The following CDK14 variants were observed in gnomAD, a reference collection of about 807,000 sequenced individuals.
CDK14 encodes cyclin dependent kinase 14, also known as cyclin-dependent kinase 14.
In CDK14, 34 loss-of-function variants were observed where a neutral mutation model predicts 60.7. That is an observed-to-expected ratio of 0.56 (90% CI 0.43 to 0.75). CDK14 has a LOEUF of 0.75. Among genes scored for constraint, CDK14 ranks in the 30% least tolerant of loss-of-function variants. The pLI is 0.00. For missense variants in CDK14, 482 were observed against 564.1 expected (o/e 0.85, Z 1.47); for synonymous variants, 197 against 203.7 (o/e 0.97, Z 0.28).
intron 4 of CDK14, among the ~76,000 whole-genome samples, chr7:90,758,996 C>CGA (rs1562756240): frequency 6.8e-6 from 1 of 147,292 alleles, no homozygotes; most frequent in African/African-American, 2.5e-5. Flanking sequence ...GCAGAGGTTG[C>CGA]AGTGAGTCGA....
chr7:91,031,850 C>G (rs1796770064), intron 10 of CDK14, among the ~76,000 whole-genome samples: 1 of 152,122 alleles, frequency 6.6e-6, no homozygotes, highest in Non-Finnish European at 1.5e-5. Flanking sequence ...TGAAACCAAA[C>G]AAAGTATGTC....
At chr7:91,185,487 G>T (rs979964217) in intron 14 of CDK14, among the ~76,000 whole-genome samples, 1 of 151,696 alleles carries the variant, frequency 6.6e-6, no homozygotes, top group East Asian at 1.9e-4. Context: ...TTACCATATA[G>T]AACTACTTTC....
intron 10 of CDK14, among the ~76,000 whole-genome samples, chr7:91,038,027 G>T (rs1321645623): frequency 1.3e-5 from 2 of 152,158 alleles, no homozygotes; most frequent in Non-Finnish European, 2.9e-5. Flanking sequence ...CTGAGCAGTC[G>T]CTGCTCTCTG....
intron 11 of CDK14, among the ~76,000 whole-genome samples, chr7:91,062,666 A>T (rs893104452): frequency 5.3e-5 from 8 of 152,118 alleles, no homozygotes; most frequent in African/African-American, 1.7e-4. Flanking sequence ...GCTTTCATGG[A>T]TGCTATCTCA....
intron 10 of CDK14, among the ~76,000 whole-genome samples, chr7:91,002,817 T>C (rs1285563809): frequency 6.6e-6 from 1 of 152,102 alleles, no homozygotes; most frequent in Non-Finnish European, 1.5e-5. Flanking sequence ...TTCACAGCTG[T>C]AATTCAGCAC....
intron 3 of CDK14, among the ~76,000 whole-genome samples, chr7:90,733,563 C>A (rs1429201426): frequency 6.6e-6 from 1 of 152,164 alleles, no homozygotes; most frequent in Admixed American, 6.5e-5. Context: ...GATCCCTTTA[C>A]CATTAGTAAT....
intron 2 of CDK14, among the ~76,000 whole-genome samples, chr7:90,636,922 A>G (rs1800166740): frequency 6.6e-6 from 1 of 150,718 alleles, no homozygotes; most frequent in Admixed American, 6.6e-5. Context: ...TTATTTGCAT[A>G]GAGGTGTTTG....
At chr7:90,916,655 A>C (rs1274953715) in intron 7 of CDK14, among the ~76,000 whole-genome samples, 1 of 152,162 alleles carries the variant, frequency 6.6e-6, no homozygotes, top group African/African-American at 2.4e-5. Flanking sequence ...GGTTATATAG[A>C]CTAGAATATT....
chr7:91,010,756 C>T (rs902723505), intron 10 of CDK14, among the ~76,000 whole-genome samples: 1 of 148,336 alleles, frequency 6.7e-6, no homozygotes, highest in Non-Finnish European at 1.5e-5. Flanking sequence ...TTCCTTCCTT[C>T]TTTCTTTCCT....
At chr7:91,123,310 T>C (rs184390518) in intron 14 of CDK14, among the ~76,000 whole-genome samples, 1 of 152,280 alleles carries the variant, frequency 6.6e-6, no homozygotes, top group East Asian at 1.9e-4. Flanking sequence ...TTTTCTGCAT[T>C]ATCCTACAAT....
chr7:91,179,240 A>G (rs1668983292), intron 14 of CDK14, among the ~76,000 whole-genome samples: 1 of 151,614 alleles, frequency 6.6e-6, no homozygotes, highest in South Asian at 2.1e-4. Flanking sequence ...CATTCTCAGT[A>G]AACTATCACA....
chr7:90,786,783 A>G (rs1224053244), intron 4 of CDK14, among the ~76,000 whole-genome samples: 1 of 151,104 alleles, frequency 6.6e-6, no homozygotes, highest in Non-Finnish European at 1.5e-5. Context: ...GCCTGACGTG[A>G]TGGCATGGCT....
At chr7:91,047,879 G>A (rs1797285467) in intron 11 of CDK14, among the ~76,000 whole-genome samples, 1 of 152,122 alleles carries the variant, frequency 6.6e-6, no homozygotes, top group East Asian at 1.9e-4. Flanking sequence ...AGACCATCCA[G>A]GGGAGCCCCA....
chr7:90,790,660 CT>C lies in CDK14; in HGVS notation c.544+12del. 6.2e-7 allele frequency: 1 copy of C among 1,601,592 alleles called. No individual in the cohort carries two copies. Among genetic ancestry groups the C allele is most frequent in the South Asian group, 1.1e-5 (1 of 90,476 alleles). ...TCACAGCTATCAGGGAAGGTAGGCA[CT>C]TTTCCTTGTTGATATTGCTTTTGTG... On this transcript the variant is annotated intron_variant, in intron 5 of 14. Coordinates refer to ENST00000380050, the MANE Select transcript of CDK14 (RefSeq NM_001287135.2).
chr7:90,844,822 A>G (rs1790412126), intron 5 of CDK14, among the ~76,000 whole-genome samples: 2 of 152,194 alleles, frequency 1.3e-5, no homozygotes, highest in Non-Finnish European at 1.5e-5. Flanking sequence ...TATACAAACA[A>G]GAATGTATTG....
intron 10 of CDK14, among the ~76,000 whole-genome samples, chr7:90,989,131 G>A (rs1795462232): frequency 6.6e-6 from 1 of 152,000 alleles, no homozygotes; most frequent in African/African-American, 2.4e-5. Context: ...GACTGTGGAG[G>A]TATAGTTTGC....
chr7:90,659,179 T>G, intron 2 of CDK14, among the ~76,000 whole-genome samples: 1 of 152,332 alleles, frequency 6.6e-6, no homozygotes, highest in African/African-American at 2.4e-5. Context: ...TCATTATATA[T>G]AAAGTGGCAT....
chr7:90,891,623 G>C (rs1792128201), intron 6 of CDK14, among the ~76,000 whole-genome samples: 1 of 152,222 alleles, frequency 6.6e-6, no homozygotes, highest in Non-Finnish European at 1.5e-5. Context: ...TATAGAGTCT[G>C]TGTTTAATCT....
chr7:90,677,187 A>G (rs1801217370), intron 2 of CDK14, among the ~76,000 whole-genome samples: 1 of 152,184 alleles, frequency 6.6e-6, no homozygotes, highest in African/African-American at 2.4e-5. Flanking sequence ...ACCCACTAAC[A>G]GAGTATTATA....
Sources: gnomAD v4.1 joint callset for allele counts (sites outside exome capture counted in the v4.1 genomes callset) on GRCh38, gnomAD v4.1.1 for gene constraint, MANE v1.5 for transcripts, NCBI Gene and HGNC (gene_info 2026-07-23, HGNC 2026-07-21) for gene names.